Variants in PRELID2 observed in about 807,000 individuals in gnomAD.
PRELID2 encodes the protein PRELI domain-containing protein 2.
Under a neutral mutation model 28.4 loss-of-function variants are expected in PRELID2, and 25 were observed. The ratio of observed to expected loss-of-function variants is 0.88; its 90% CI spans 0.64 to 1.23. The LOEUF (loss-of-function observed/expected upper bound fraction) is 1.23, where lower values mean the gene tolerates loss of function less well. Among genes scored for constraint, PRELID2 ranks in the 50% most tolerant of loss-of-function variants. The pLI is 0.00. For synonymous variants in PRELID2, 76 were observed against 71.6 expected (o/e 1.06, Z -0.31); for missense variants, 201 against 214.4 (o/e 0.94, Z 0.39).
At chr5:145,713,422 ATATC>A (rs1204929472) in intron 1 of PRELID2, among the ~76,000 whole-genome samples, 2 of 144,744 alleles carry the variant, frequency 1.4e-5, no homozygotes, top group African/African-American at 2.5e-5. Flanking sequence ...TACTTTATAT[ATATC>A]TGACTTTATA....
At chr5:145,422,951 C>T in the PRELID2 span, among the ~76,000 whole-genome samples, 1 of 151,020 alleles carries the variant, frequency 6.6e-6, no homozygotes, top group African/African-American at 2.4e-5. Context: ...AATCTCTCAG[C>T]ATTTGCTTGT....
the PRELID2 span, among the ~76,000 whole-genome samples, chr5:145,332,657 A>C: frequency 1.3e-5 from 2 of 152,036 alleles, no homozygotes; most frequent in African/African-American, 2.4e-5. Context: ...TATTCTAATT[A>C]GCAATTCTTC....
At chr5:145,435,409 G>C in the PRELID2 span, among the ~76,000 whole-genome samples, 1 of 152,088 alleles carries the variant, frequency 6.6e-6, no homozygotes, top group Non-Finnish European at 1.5e-5. Context: ...TTGATGTCTT[G>C]AGGAACAGAA....
chr5:145,696,122 T>C (rs933644843), intron 1 of PRELID2, among the ~76,000 whole-genome samples: 1 of 151,546 alleles, frequency 6.6e-6, no homozygotes, highest in African/African-American at 2.4e-5. Context: ...TGGCTTAGTA[T>C]AGTTTCTGGC....
At chr5:145,748,654 C>G (rs1236842479) in intron 1 of PRELID2, among the ~76,000 whole-genome samples, 1 of 152,026 alleles carries the variant, frequency 6.6e-6, no homozygotes, top group Non-Finnish European at 1.5e-5. Flanking sequence ...CAAAGAAGAC[C>G]CTGTATGGCC....
At chr5:145,612,371 G>T (rs911370147) in intron 1 of PRELID2, among the ~76,000 whole-genome samples, 1 of 151,976 alleles carries the variant, frequency 6.6e-6, no homozygotes, top group South Asian at 2.1e-4. Flanking sequence ...GAAAACATTG[G>T]CAACAAGTAT....
intron 1 of PRELID2, among the ~76,000 whole-genome samples, chr5:145,661,180 A>G (rs1350370313): frequency 1.3e-5 from 2 of 152,102 alleles, no homozygotes; most frequent in Non-Finnish European, 1.5e-5. Context: ...AAAGGTACAA[A>G]ACACTCTAGA....
At chr5:145,382,495 A>G in the PRELID2 span, among the ~76,000 whole-genome samples, 2 of 152,112 alleles carry the variant, frequency 1.3e-5, no homozygotes, top group Admixed American at 6.6e-5. Flanking sequence ...AATACATTAT[A>G]TACAAGATAA....
the PRELID2 span, among the ~76,000 whole-genome samples, chr5:145,368,217 T>C: frequency 6.6e-6 from 1 of 151,970 alleles, no homozygotes; most frequent in Admixed American, 6.6e-5. Context: ...AGAATGTACA[T>C]GGCACTATTA....
chr5:145,355,473 T>C, the PRELID2 span, among the ~76,000 whole-genome samples: 10 of 152,196 alleles, frequency 6.6e-5, no homozygotes, highest in Non-Finnish European at 1.2e-4. Context: ...ACCCTGCTGA[T>C]GATATCTCTT....
chr5:145,303,369 G>A, the PRELID2 span, among the ~76,000 whole-genome samples: 1 of 152,190 alleles, frequency 6.6e-6, no homozygotes, highest in Non-Finnish European at 1.5e-5. Context: ...CTAAACCTGT[G>A]TGACAATGTT....
intron 1 of PRELID2, among the ~76,000 whole-genome samples, chr5:145,705,508 C>T (rs1050038851): frequency 1.3e-5 from 2 of 152,002 alleles, no homozygotes; most frequent in African/African-American, 4.8e-5. Flanking sequence ...CTAAAAGTAC[C>T]ATTTTTAATG....
At chr5:145,437,050 AC>A in the PRELID2 span, 1 of 152,266 alleles carries the variant, frequency 6.6e-6, no homozygotes, top group African/African-American at 2.4e-5. Flanking sequence ...CAACCACAGA[AC>A]CCAATATCCT....
the PRELID2 span, among the ~76,000 whole-genome samples, chr5:145,258,682 C>T: frequency 6.6e-6 from 1 of 152,078 alleles, no homozygotes; most frequent in African/African-American, 2.4e-5. Flanking sequence ...AAAGTTGAAA[C>T]TTATATTTAA....
chr5:145,253,529 G>A, the PRELID2 span, among the ~76,000 whole-genome samples: 22 of 152,012 alleles, frequency 1.4e-4, no homozygotes, highest in African/African-American at 5.3e-4. Flanking sequence ...ATTCATCAGA[G>A]CTTCCCATAT....
chr5:145,347,582 TTTTC>T, the PRELID2 span, among the ~76,000 whole-genome samples: 1 of 151,958 alleles, frequency 6.6e-6, no homozygotes, highest in Non-Finnish European at 1.5e-5. Context: ...ATCCATGGAG[TTTTC>T]TTTTTCTATT....
At chr5:145,623,767 T>C (rs896430873) in intron 1 of PRELID2, among the ~76,000 whole-genome samples, 3 of 152,170 alleles carry the variant, frequency 2.0e-5, no homozygotes, top group South Asian at 2.1e-4. Context: ...CTCTTTTTGC[T>C]CATACTTCTG....
chr5:145,465,742 T>C, the PRELID2 span, among the ~76,000 whole-genome samples: 1 of 152,118 alleles, frequency 6.6e-6, no homozygotes, highest in African/African-American at 2.4e-5. Flanking sequence ...GTTAGTATAA[T>C]AGTAAATATT....
At chr5:145,572,106 C>T (rs1753019992) in intron 1 of PRELID2, among the ~76,000 whole-genome samples, 1 of 152,090 alleles carries the variant, frequency 6.6e-6, no homozygotes, top group South Asian at 2.1e-4. Context: ...TGTCTTAACC[C>T]ACACACTCTC....
Sources: gnomAD v4.1 joint callset for allele counts (sites outside exome capture counted in the v4.1 genomes callset) on GRCh38, gnomAD v4.1.1 for gene constraint, MANE v1.5 for transcripts, NCBI Gene and HGNC (gene_info 2026-07-23, HGNC 2026-07-21) for gene names.